The following FHIT variants were observed in gnomAD, a reference collection of about 807,000 sequenced individuals.
The protein encoded by FHIT is bis(5'-adenosyl)-triphosphatase.
A neutral mutation model predicts 17.9 loss-of-function variants in FHIT; 19 were observed. That is an observed-to-expected ratio of 1.06 (90% confidence interval 0.74 to 1.56). The LOEUF is 1.56. Among genes scored for constraint, FHIT ranks in the 40% most tolerant of loss-of-function variants. The pLI is 0.00. For missense variants in FHIT, 248 were observed against 189.2 expected (o/e 1.31, Z -1.82); for synonymous variants, 81 against 69.7 (o/e 1.16, Z -0.81).
At chr3:59,919,364 G>A (rs1485439576) in intron 8 of FHIT, among the ~76,000 whole-genome samples, 1 of 152,112 alleles carries the variant, frequency 6.6e-6, no homozygotes, top group Non-Finnish European at 1.5e-5. Flanking sequence ...CCACTTTGTA[G>A]TCCGATACTC....
At chr3:59,903,313 C>G (rs921648810) in intron 8 of FHIT, among the ~76,000 whole-genome samples, 1 of 152,038 alleles carries the variant, frequency 6.6e-6, no homozygotes, top group Non-Finnish European at 1.5e-5. Context: ...CTAATAGGCA[C>G]AGGGTTTCTT....
chr3:61,125,869 A>G lies in FHIT; in HGVS notation c.-164+74748T>C, dbSNP rs188357528. Among the ~76,000 whole-genome samples, 262 of 152,334 alleles carry G rather than the reference A, an allele frequency of 1.7e-3. 1 individual carries two copies. Among genetic ancestry groups the G allele is most frequent in the African/African-American group, 5.5e-3 (228 of 41,576 alleles). On this transcript the variant is annotated intron_variant, in intron 2 of 9. Coordinates refer to ENST00000492590, the MANE Select transcript of FHIT (RefSeq NM_002012.4). ...TATCAATATTGAATATTTCTGGAGT[A>G]TCAATCATTATAGTATGCCCTTGAC...
At chr3:59,986,742 A>ATATAAATG (rs1708966512) in intron 7 of FHIT, among the ~76,000 whole-genome samples, 1 of 11,782 alleles carries the variant, frequency 8.5e-5, no homozygotes, top group Non-Finnish European at 1.6e-4. Context: ...ATATATACAT[A>ATATAAATG]TATTTATATA....
At chr3:60,093,360 C>T (rs1390581195) in intron 5 of FHIT, among the ~76,000 whole-genome samples, 1 of 152,150 alleles carries the variant, frequency 6.6e-6, no homozygotes, top group Non-Finnish European at 1.5e-5. Context: ...ATCACTCTGA[C>T]CTGCTTTTCT....
chr3:61,162,736 T>G lies in FHIT; in HGVS notation c.-164+37881A>C, dbSNP rs181257405. On this transcript the variant is annotated intron_variant, in intron 2 of 9. Transcript: ENST00000492590. ...GTAAATTATAGATAAATGATAACAA[T>G]GCAAAATAATTCTTGCCTATAGGCA... Among the ~76,000 whole-genome samples, 987 of 152,304 alleles carry G rather than the reference T, an allele frequency of 6.5e-3. 9 individuals are homozygous for G. The highest frequency in any genetic ancestry group is 0.02 in the Admixed American group (301 of 15,298).
intron 2 of FHIT, among the ~76,000 whole-genome samples, chr3:61,078,561 T>C (rs1039929950): frequency 2.0e-5 from 3 of 152,180 alleles, no homozygotes; most frequent in African/African-American, 7.2e-5. Flanking sequence ...TTCCCTGCTT[T>C]CATCTACCCA....
chr3:59,793,347 C>G (rs951646907), intron 8 of FHIT, among the ~76,000 whole-genome samples: 3 of 152,058 alleles, frequency 2.0e-5, no homozygotes, highest in African/African-American at 4.8e-5. Flanking sequence ...TTACCACAGG[C>G]CAGAAAGAAA....
At chr3:60,503,733 A>G (rs1490522813) in intron 5 of FHIT, among the ~76,000 whole-genome samples, 1 of 152,204 alleles carries the variant, frequency 6.6e-6, no homozygotes, top group African/African-American at 2.4e-5. Context: ...TTAGGATCAA[A>G]AGAAAGGGAT....
intron 3 of FHIT, among the ~76,000 whole-genome samples, chr3:60,993,337 G>T (rs1306004867): frequency 1.3e-5 from 2 of 152,146 alleles, no homozygotes; most frequent in African/African-American, 4.8e-5. Flanking sequence ...TTTCATTCCG[G>T]ATTCAGACTG....
In FHIT at chr3:60,363,514, C is replaced by T. The variant is rs569424101; in HGVS notation, c.103+173346G>A. Among the ~76,000 whole-genome samples, 15 of 152,272 alleles carry T rather than the reference C, an allele frequency of 9.9e-5. No individual in the cohort carries two copies. In the South Asian group the frequency reaches 2.5e-3, roughly 25 times the overall value. On this transcript the variant is annotated intron_variant, in intron 5 of 9. Transcript: ENST00000492590. ...TATTCCCACAACTCTGACTTGTATA[C>T]TGCCGCTATCCCTGTTTTACAGGTG...
chr3:60,541,577 A>C (rs1451719335), intron 4 of FHIT, among the ~76,000 whole-genome samples: 1 of 152,212 alleles, frequency 6.6e-6, no homozygotes, highest in East Asian at 1.9e-4. Context: ...GGGAGTGGAC[A>C]CAGGACACAA....
Position 60,186,444 on chromosome 3 carries a change from A to C in FHIT, c.104-172292T>G, listed in dbSNP as rs79145740. Among the ~76,000 whole-genome samples, 1,192 of 152,294 alleles carry C rather than the reference A, an allele frequency of 7.8e-3. 10 individuals carry two copies. Among genetic ancestry groups the C allele is most frequent in the Non-Finnish European group, 0.012 (830 of 68,024 alleles). On this transcript the variant is annotated intron_variant, in intron 5 of 9. Coordinates refer to ENST00000492590, the MANE Select transcript of FHIT (RefSeq NM_002012.4). ...TGACTGAATTTGTGTGAGTTAGTCA[A>C]CTGTTTTTCAAAAAGGCTCAGCATT...
intron 8 of FHIT, among the ~76,000 whole-genome samples, chr3:59,813,258 A>G (rs544450530): frequency 6.6e-6 from 1 of 152,224 alleles, no homozygotes; most frequent in East Asian, 1.9e-4. Flanking sequence ...ATGAAGTGGC[A>G]CTGTCAACCT....
chr3:60,146,946 A>G (rs1700268568), intron 5 of FHIT, among the ~76,000 whole-genome samples: 1 of 152,202 alleles, frequency 6.6e-6, no homozygotes, highest in African/African-American at 2.4e-5. Flanking sequence ...AAATGTGAAG[A>G]TATATAATTG....
At chr3:59,756,874 A>C (rs2106759417) in intron 8 of FHIT, among the ~76,000 whole-genome samples, 1 of 152,306 alleles carries the variant, frequency 6.6e-6, no homozygotes, top group Middle Eastern at 3.4e-3. Context: ...CACCAGTTCT[A>C]AGGTGCACAT....
intron 4 of FHIT, among the ~76,000 whole-genome samples, chr3:60,803,347 C>T (rs1038038074): frequency 1.3e-5 from 2 of 152,190 alleles, no homozygotes; most frequent in Middle Eastern, 3.4e-3. Flanking sequence ...GGTAGCCAGC[C>T]GCCGCCAAAA....
At chr3:61,212,089 G>C (rs1250305674) in intron 1 of FHIT, among the ~76,000 whole-genome samples, 1 of 152,208 alleles carries the variant, frequency 6.6e-6, no homozygotes, top group Non-Finnish European at 1.5e-5. Flanking sequence ...CTAAAAAGCA[G>C]AGCGCTTCTC....
intron 3 of FHIT, among the ~76,000 whole-genome samples, chr3:60,890,221 T>TAAAAAAAAAAAAAAAAAAAAAAAAA (rs59950717): frequency 3.5e-5 from 4 of 115,658 alleles, no homozygotes; most frequent in African/African-American, 1.1e-4. Context: ...TTCCATGATG[T>TAAAAAAAAAAAAAAAAAAAAAAAAA]AAAAAAAAAA....
At chr3:60,522,241 G>A (rs1274872880) in intron 5 of FHIT, among the ~76,000 whole-genome samples, 2 of 151,258 alleles carry the variant, frequency 1.3e-5, no homozygotes, top group Non-Finnish European at 2.9e-5. Flanking sequence ...CTCCTGAGAA[G>A]CTGGGATTAA....
Sources: gnomAD v4.1 joint callset for allele counts (sites outside exome capture counted in the v4.1 genomes callset) on GRCh38, gnomAD v4.1.1 for gene constraint, MANE v1.5 for transcripts, NCBI Gene and HGNC (gene_info 2026-07-23, HGNC 2026-07-21) for gene names.